CAPN9: variants seen among roughly 807,000 people sequenced by gnomAD.
CAPN9 encodes the protein calpain 9, also known as calpain-9.
Under a neutral mutation model 92.8 loss-of-function variants are expected in CAPN9, and 81 were observed. The observed-to-expected ratio is 0.87, with a 90% CI of 0.73 to 1.05. CAPN9 has a LOEUF of 1.05. Among genes scored for constraint, CAPN9 ranks in the 50% least tolerant of loss-of-function variants. The pLI, the probability that CAPN9 is intolerant of heterozygous loss-of-function variation, is 0.00. For missense variants in CAPN9, 848 were observed against 866.2 expected, an observed-to-expected ratio of 0.98 and a Z score of 0.26; for synonymous variants, 304 against 328.0, an observed-to-expected ratio of 0.93 and a Z score of 0.79.
intron 1 of CAPN9, among the ~76,000 whole-genome samples, chr1:230,751,619 G>T (rs796701463): frequency 2.1e-5 from 1 of 47,514 alleles, no homozygotes; most frequent in African/African-American, 1.1e-4. Flanking sequence ...GAGAAAGAAA[G>T]AAAGAAAGAA....
chr1:230,774,941 G>A (rs931798165), intron 8 of CAPN9, among the ~76,000 whole-genome samples: 8 of 151,796 alleles, frequency 5.3e-5, no homozygotes, highest in Non-Finnish European at 7.4e-5. Context: ...GGGTTTCACC[G>A]TGTTGGCCAG....
At chr1:230,797,687 C>T (rs1668441140) in intron 18 of CAPN9, among the ~76,000 whole-genome samples, 1 of 152,196 alleles carries the variant, frequency 6.6e-6, no homozygotes, top group Non-Finnish European at 1.5e-5. Flanking sequence ...GGTCACTACA[C>T]CATGCGGTAG....
chr1:230,774,686 G>T, intron 8 of CAPN9, 55 bp downstream of exon 8: 1 of 1,178,868 alleles, frequency 8.5e-7, no homozygotes, highest in South Asian at 1.2e-5. Context: ...CATGGCCCTG[G>T]GGCGTAAGGA....
Position 230,795,261 on chromosome 1 carries a change from C to G in CAPN9, c.1969C>G (p.Arg657Gly), listed in dbSNP as rs774266028. 3.1e-6 allele frequency: 5 copies of G among 1,609,970 alleles called. No homozygotes were observed. The East Asian group carries it at 1.1e-4, about 36-fold the overall frequency. The change falls in exon 18 of 20, where the codon CGG becomes GGG. Residue 657 changes from arginine (R) to glycine (G), a missense_variant. Arg to Gly is a moderately radical substitution (Grantham distance 125). Coordinates refer to ENST00000271971, the MANE Select transcript of CAPN9 (RefSeq NM_006615.3). ...DFDDFLNCLV[R>G]LENASRVFQA... ...CGATGACTTCCTCAACTGCCTGGTC[C>G]GGCTGGAGAATGCGAGCCGTAAGTG...
At chr1:230,764,100 A>G (rs1239032950) in intron 4 of CAPN9, among the ~76,000 whole-genome samples, 1 of 152,242 alleles carries the variant, frequency 6.6e-6, no homozygotes, top group Non-Finnish European at 1.5e-5. Flanking sequence ...TGTTATGGTT[A>G]GTTTTATGTG....
intron 7 of CAPN9, among the ~76,000 whole-genome samples, chr1:230,772,748 T>A (rs1336724209): frequency 6.6e-6 from 1 of 150,632 alleles, no homozygotes; most frequent in East Asian, 1.9e-4. Context: ...CCATCTCTTT[T>A]TTTTTTTTTT....
chr1:230,772,517 G>T lies in CAPN9; in HGVS notation c.875+418G>T, dbSNP rs181928343. On this transcript the variant is annotated intron_variant, in intron 7 of 19. Coordinates refer to ENST00000271971, the MANE Select transcript of CAPN9 (RefSeq NM_006615.3). ...GTCGGAATCCCTGAAATATTACCTAGCATGTAACTATAGGATTCTCTCTGA... is the reference window on the plus strand; with the variant it reads ...GTCGGAATCCCTGAAATATTACCTATCATGTAACTATAGGATTCTCTCTGA... 5.9e-5 allele frequency among the ~76,000 whole-genome samples: 9 copies of T among 152,228 alleles called. No homozygotes were observed. The East Asian group carries it at 1.5e-3, about 26-fold the overall frequency.
At chr1:230,776,351 T>C (rs888832159) in intron 8 of CAPN9, 1 of 152,184 alleles carries the variant, frequency 6.6e-6, no homozygotes, top group African/African-American at 2.4e-5. Flanking sequence ...CTTCGAGGGT[T>C]AGGATTCAAC....
chr1:230,756,000 T>C (rs1665201444), intron 2 of CAPN9, among the ~76,000 whole-genome samples: 1 of 152,170 alleles, frequency 6.6e-6, no homozygotes, highest in Non-Finnish European at 1.5e-5. Context: ...TCAAATTGGG[T>C]CCTGCATTTT....
intron 1 of CAPN9, among the ~76,000 whole-genome samples, chr1:230,752,083 C>T (rs924244185): frequency 6.6e-5 from 10 of 152,172 alleles, no homozygotes; most frequent in South Asian, 2.1e-4. Context: ...GACACTCACA[C>T]GTAGACAATG....
intron 8 of CAPN9, chr1:230,775,939 A>T (rs1666739798): frequency 6.6e-6 from 1 of 151,724 alleles, no homozygotes; most frequent in South Asian, 2.1e-4. Flanking sequence ...AAAAAATACT[A>T]CAACCCAAAA....
At chr1:230,770,979 T>C (rs959350585) in intron 6 of CAPN9, among the ~76,000 whole-genome samples, 1 of 152,208 alleles carries the variant, frequency 6.6e-6, no homozygotes, top group Non-Finnish European at 1.5e-5. Flanking sequence ...TGTTGGCTCC[T>C]TTGTCCTCCT....
At chr1:230,769,591 A>G (rs980430534) in intron 6 of CAPN9, among the ~76,000 whole-genome samples, 3 of 152,174 alleles carry the variant, frequency 2.0e-5, no homozygotes, top group Admixed American at 6.5e-5. Flanking sequence ...CCAAATATAT[A>G]TACATACAAT....
At position 230,759,511 on chromosome 1, in the gene CAPN9, G is replaced by C. The variant is rs147929972; in HGVS notation, c.284-1G>C. 1,124 of 1,595,244 alleles carry C rather than the reference G, an allele frequency of 7.0e-4. 3 individuals are homozygous for C. The highest frequency in any genetic ancestry group is 5.7e-3 in the Middle Eastern group (34 of 5,988). On this transcript the variant is annotated splice_acceptor_variant, in intron 2 of 19. Transcript: ENST00000271971. LOFTEE classifies it high-confidence loss of function. ...TGTGATTTATGGCTTCCATTTTGCA[G>C]GAGACTGCTGGCTATTAGCCGCCAT...
chr1:230,786,781 T>C (rs1190445136), intron 12 of CAPN9, among the ~76,000 whole-genome samples: 6 of 152,176 alleles, frequency 3.9e-5, no homozygotes, highest in Admixed American at 1.3e-4. Flanking sequence ...TTAAGAAATC[T>C]AATCAATGAA....
Position 230,759,535 on chromosome 1 carries a change from A to G in CAPN9, c.307A>G (p.Ile103Val). The G allele has an allele frequency of 1.9e-6, 3 of 1,609,862 alleles. No individual in the cohort carries two copies. Among genetic ancestry groups the G allele is most frequent in the South Asian group, 1.1e-5 (1 of 89,814 alleles). Residue 103 changes from isoleucine to valine, a missense_variant, in exon 3 of 20, where the codon ATC (isoleucine) becomes GTC (valine). Ile to Val is a conservative substitution (Grantham distance 29, BLOSUM62 3). Transcript: ENST00000271971. ...ELGDCWLLAAIASLTLNQKAL... is the reference protein window; with the variant it reads ...ELGDCWLLAAVASLTLNQKAL... ...AGGAGACTGCTGGCTATTAGCCGCC[A>G]TCGCCTCCCTTACGCTTAATCAAAA... is the stretch of plus-strand genomic sequence containing the variant.
At chr1:230,775,886 T>C (rs939784683) in intron 8 of CAPN9, among the ~76,000 whole-genome samples, 19 of 145,270 alleles carry the variant, frequency 1.3e-4, no homozygotes, top group African/African-American at 4.4e-4. Context: ...CACTGCACTC[T>C]AGCCTGGACA....
chr1:230,773,686 C>A (rs539068337), intron 7 of CAPN9, among the ~76,000 whole-genome samples: 2 of 152,252 alleles, frequency 1.3e-5, no homozygotes, highest in African/African-American at 4.8e-5. Flanking sequence ...AGGATAATGG[C>A]TCCAAAAGAA....
intron 2 of CAPN9, among the ~76,000 whole-genome samples, chr1:230,756,238 C>T (rs1024072189): frequency 1.3e-5 from 2 of 151,694 alleles, no homozygotes; most frequent in Non-Finnish European, 2.9e-5. Flanking sequence ...CTGAGCTATC[C>T]TAAACACAAG....
Sources: gnomAD v4.1 joint callset for allele counts (sites outside exome capture counted in the v4.1 genomes callset) on GRCh38, gnomAD v4.1.1 for gene constraint, MANE v1.5 for transcripts, NCBI Gene and HGNC (gene_info 2026-07-23, HGNC 2026-07-21) for gene names.